GLIS3: variants seen among roughly 807,000 people sequenced by gnomAD.
GLIS3 encodes the protein GLIS family zinc finger 3, also known as zinc finger protein GLIS3.
A neutral mutation model predicts 78.6 loss-of-function variants in GLIS3; 53 were observed. That is an observed-to-expected ratio of 0.67 (90% confidence interval 0.54 to 0.85). The LOEUF is 0.85. Among genes scored for constraint, GLIS3 ranks in the 40% least tolerant of loss-of-function variants. The probability of loss-of-function intolerance (pLI) is 0.00; values close to 1 mark genes in which losing one functional copy is unlikely to be tolerated. For synonymous variants in GLIS3, 684 were observed against 509.9 expected (o/e 1.34, Z -4.60); for missense variants, 1,703 against 1,231.1 (o/e 1.38, Z -5.74).
intron 4 of GLIS3, among the ~76,000 whole-genome samples, chr9:4,050,617 T>TAAA (rs1475327666): frequency 6.6e-6 from 1 of 151,602 alleles, no homozygotes; most frequent in Non-Finnish European, 1.5e-5. Flanking sequence ...AAAGTAATTT[T>TAAA]AAAAAAATCT....
chr9:4,077,034 G>C (rs1449016812), intron 4 of GLIS3, among the ~76,000 whole-genome samples: 2 of 152,290 alleles, frequency 1.3e-5, no homozygotes, highest in East Asian at 3.9e-4. Context: ...ACTCCAGCCT[G>C]GGTGAGAGAC....
the GLIS3 span, among the ~76,000 whole-genome samples, chr9:4,417,940 G>C: frequency 2.6e-5 from 4 of 152,276 alleles, no homozygotes; most frequent in African/African-American, 9.6e-5. Flanking sequence ...GGGAACAATT[G>C]ATATTTTCAA....
intron 2 of GLIS3, among the ~76,000 whole-genome samples, chr9:4,232,681 A>C (rs540996114): frequency 1.3e-5 from 2 of 152,368 alleles, no homozygotes; most frequent in East Asian, 3.9e-4. Flanking sequence ...TACCATTATC[A>C]ATAAAGGCTT....
chr9:4,222,527 G>A (rs1389876619), intron 2 of GLIS3, among the ~76,000 whole-genome samples: 1 of 152,182 alleles, frequency 6.6e-6, no homozygotes, highest in African/African-American at 2.4e-5. Flanking sequence ...AACATAAATA[G>A]ACCCAGCCAA....
the GLIS3 span, among the ~76,000 whole-genome samples, chr9:4,389,686 A>G: frequency 6.6e-6 from 1 of 152,326 alleles, no homozygotes; most frequent in Non-Finnish European, 1.5e-5. Flanking sequence ...AGAAAGCCAT[A>G]TTACAAAAAC....
intron 6 of GLIS3, among the ~76,000 whole-genome samples, chr9:3,930,358 A>G (rs1256043340): frequency 6.6e-6 from 1 of 152,240 alleles, no homozygotes; most frequent in African/African-American, 2.4e-5. Context: ...GCAATTTGAC[A>G]TGAGATTACA....
intron 2 of GLIS3, among the ~76,000 whole-genome samples, chr9:4,200,058 G>A (rs1443937622): frequency 1.3e-5 from 2 of 152,080 alleles, no homozygotes; most frequent in Non-Finnish European, 2.9e-5. Flanking sequence ...AATGACCTTG[G>A]AGTAAACAAT....
chr9:4,211,258 T>C (rs143692760), intron 2 of GLIS3, among the ~76,000 whole-genome samples: 8 of 152,310 alleles, frequency 5.3e-5, no homozygotes, highest in African/African-American at 1.9e-4. Context: ...TTTATGTAAG[T>C]TCAAGGTCCA....
intron 5 of GLIS3, among the ~76,000 whole-genome samples, chr9:3,933,650 G>C (rs1050855713): frequency 2.6e-5 from 4 of 152,182 alleles, no homozygotes; most frequent in African/African-American, 9.7e-5. Flanking sequence ...GAAGAGACCT[G>C]AAACCATGTC....
the GLIS3 span, among the ~76,000 whole-genome samples, chr9:4,417,219 T>G: frequency 0.72 from 109,996 of 152,000 alleles, 40,038 homozygotes; most frequent in South Asian, 0.79. Context: ...AGCCAGTAGT[T>G]AAGTTTGTGA....
chr9:4,386,162 G>C, the GLIS3 span, among the ~76,000 whole-genome samples: 1 of 152,146 alleles, frequency 6.6e-6, no homozygotes, highest in East Asian at 1.9e-4. Context: ...ACAAGAGAGA[G>C]AGAATAAAAA....
At chr9:4,284,825 G>A (rs753809312) in intron 2 of GLIS3, among the ~76,000 whole-genome samples, 10 of 152,066 alleles carry the variant, frequency 6.6e-5, no homozygotes, top group Non-Finnish European at 1.2e-4. Flanking sequence ...GACTGAAGCA[G>A]GAGGATCACT....
chr9:4,458,518 A>G, the GLIS3 span, among the ~76,000 whole-genome samples: 3 of 152,198 alleles, frequency 2.0e-5, no homozygotes, highest in Non-Finnish European at 4.4e-5. Flanking sequence ...GGCCAGGTGC[A>G]GTGGCTCACT....
the GLIS3 span, among the ~76,000 whole-genome samples, chr9:4,428,076 A>T: frequency 6.6e-6 from 1 of 152,116 alleles, no homozygotes; most frequent in African/African-American, 2.4e-5. Flanking sequence ...ATCAAGTCAG[A>T]GGAATAAACA....
At chr9:3,942,899 T>C (rs895744942) in intron 4 of GLIS3, among the ~76,000 whole-genome samples, 5 of 151,216 alleles carry the variant, frequency 3.3e-5, no homozygotes, top group African/African-American at 1.2e-4. Context: ...ACAAAAGAAC[T>C]AGAAAACAAA....
At chr9:4,065,070 T>G (rs1236364440) in intron 4 of GLIS3, among the ~76,000 whole-genome samples, 1 of 152,216 alleles carries the variant, frequency 6.6e-6, no homozygotes, top group African/African-American at 2.4e-5. Context: ...CCAATGACTT[T>G]AGTCCCATTC....
intron 2 of GLIS3, among the ~76,000 whole-genome samples, chr9:4,324,072 G>A (rs766223258): frequency 1.3e-5 from 2 of 152,084 alleles, no homozygotes; most frequent in African/African-American, 4.8e-5. Flanking sequence ...CTTTGAAAAT[G>A]GTGCTTGTCT....
intron 2 of GLIS3, among the ~76,000 whole-genome samples, chr9:4,167,121 C>T (rs1461565551): frequency 6.6e-6 from 1 of 152,186 alleles, no homozygotes; most frequent in African/African-American, 2.4e-5. Context: ...TAATCCCAAA[C>T]CCTCATTGTA....
At chr9:4,266,603 CACACA>C (rs1826033133) in intron 2 of GLIS3, among the ~76,000 whole-genome samples, 1 of 131,322 alleles carries the variant, frequency 7.6e-6, no homozygotes, top group African/African-American at 3.4e-5. Context: ...TGTACACACA[CACACA>C]CACACACACA....
Sources: gnomAD v4.1 joint callset for allele counts (sites outside exome capture counted in the v4.1 genomes callset) on GRCh38, gnomAD v4.1.1 for gene constraint, MANE v1.5 for transcripts, NCBI Gene and HGNC (gene_info 2026-07-23, HGNC 2026-07-21) for gene names.